Variants in LNPK observed in about 807,000 individuals in gnomAD.
LNPK encodes the protein lunapark, ER junction formation factor, also known as endoplasmic reticulum junction formation protein lunapark.
Under a neutral mutation model 55.2 loss-of-function variants are expected in LNPK, and 29 were observed. That is an observed-to-expected ratio of 0.53 (90% confidence interval 0.39 to 0.72). LNPK has a LOEUF of 0.72. Among genes scored for constraint, LNPK ranks in the 30% least tolerant of loss-of-function variants. The probability of loss-of-function intolerance (pLI) is 0.00; values close to 1 mark genes in which losing one functional copy is unlikely to be tolerated. For missense variants in LNPK, 467 were observed against 494.8 expected (o/e 0.94, Z 0.53); for synonymous variants, 162 against 168.2 (o/e 0.96, Z 0.29).
chr2:175,940,901 T>C (rs1684804574), intron 9 of LNPK: 5 of 442,616 alleles, frequency 1.1e-5, no homozygotes, highest in Admixed American at 7.4e-5. Context: ...TACAACAGTT[T>C]AGACACTGCA....
At chr2:175,993,883 C>T (rs1290358184) in intron 2 of LNPK, among the ~76,000 whole-genome samples, 1 of 152,018 alleles carries the variant, frequency 6.6e-6, no homozygotes, top group Non-Finnish European at 1.5e-5. Context: ...AAAGAATTAA[C>T]ACATTGAAAA....
At chr2:175,978,175 CAAT>C (rs1156594939) in intron 5 of LNPK, among the ~76,000 whole-genome samples, 1 of 151,924 alleles carries the variant, frequency 6.6e-6, no homozygotes, top group African/African-American at 2.4e-5. Flanking sequence ...AAAATAACAA[CAAT>C]AAAAAATACA....
Position 175,927,914 on chromosome 2 carries a change from C to CT in LNPK, c.*2052dup, listed in dbSNP as rs1269824773. 2 of 152,088 alleles carry CT rather than the reference C, an allele frequency of 1.3e-5. No individual in the cohort carries two copies. Among genetic ancestry groups the CT allele is most frequent in the African/African-American group, 4.8e-5 (2 of 41,418 alleles). 9.4% of individuals were successfully genotyped at this position (152,088 alleles called of 1,614,324 possible). The stretch of plus-strand genomic sequence containing the variant: ...ATTTCTTTCAAAGATATTTCTCATA[C>CT]TATCTGTTTGAGTCTATCAAATTTC... On this transcript the variant is annotated 3_prime_UTR_variant, in exon 13 of 13. Transcript: ENST00000272748.
chr2:175,975,213 TAA>T (rs1686855411), intron 5 of LNPK, among the ~76,000 whole-genome samples: 2 of 152,158 alleles, frequency 1.3e-5, no homozygotes, highest in Admixed American at 6.5e-5. Context: ...GGTAAAATAT[TAA>T]AAGTTTTTTC....
intron 8 of LNPK, among the ~76,000 whole-genome samples, chr2:175,950,236 C>T (rs1332292171): frequency 6.6e-6 from 1 of 151,976 alleles, no homozygotes; most frequent in African/African-American, 2.4e-5. Flanking sequence ...CAAACAGACC[C>T]ATCACCAAGT....
rs573852199 is a variant in LNPK, at chr2:175,973,873, T to C, written c.317-3069A>G. On this transcript the variant is annotated intron_variant, in intron 5 of 12. Coordinates refer to ENST00000272748, the MANE Select transcript of LNPK (RefSeq NM_030650.3). ...GCAACTGTTCTTGCTGAAACGTTAC[T>C]AGTCTTAAGTGTATTTTCCCTGAAT... 2.0e-5 allele frequency among the ~76,000 whole-genome samples: 3 copies of C among 152,356 alleles called. No individual in the cohort carries two copies. The East Asian group carries it at 5.8e-4, about 29-fold the overall frequency.
rs1302552669 is a variant in LNPK at position 175,928,710 on chromosome 2, G to A, written c.*1257C>T. 6.6e-6 allele frequency: 1 copy of A among 151,826 alleles called. No homozygotes were observed. Among genetic ancestry groups the A allele is most frequent in the African/African-American group, 2.4e-5 (1 of 41,332 alleles). The allele number at this position is 151,826 out of a possible 1,614,324, so 9.4% of individuals were successfully genotyped here. ...TTCCATTTTTTTTAATATTGGAGAA[G>A]AGAGATAAAAGGAGGCCGTAACAGA... On this transcript the variant is annotated 3_prime_UTR_variant, in exon 13 of 13. Transcript: ENST00000272748.
intron 1 of LNPK, among the ~76,000 whole-genome samples, chr2:175,999,459 C>A (rs1024691874): frequency 1.3e-5 from 2 of 152,232 alleles, no homozygotes; most frequent in Non-Finnish European, 2.9e-5. Flanking sequence ...AACCTGTTTA[C>A]AACAGTGCTT....
chr2:175,941,425 C>T (rs1240299714), intron 9 of LNPK, among the ~76,000 whole-genome samples: 1 of 151,812 alleles, frequency 6.6e-6, no homozygotes, highest in Non-Finnish European at 1.5e-5. Context: ...AAAATATCAA[C>T]AAATCCCAAA....
chr2:175,989,843 T>C (rs1040255954), intron 4 of LNPK, among the ~76,000 whole-genome samples: 1 of 152,160 alleles, frequency 6.6e-6, no homozygotes. Context: ...AGTGAAAATA[T>C]AATAAAATTT....
chr2:175,995,056 G>C (rs1296604033), intron 2 of LNPK, among the ~76,000 whole-genome samples: 1 of 151,660 alleles, frequency 6.6e-6, no homozygotes, highest in Non-Finnish European at 1.5e-5. Context: ...CGAGTAGCTG[G>C]GATTACAGGC....
intron 6 of LNPK, among the ~76,000 whole-genome samples, chr2:175,967,921 C>G (rs1686450934): frequency 6.6e-6 from 1 of 152,068 alleles, no homozygotes; most frequent in Non-Finnish European, 1.5e-5. Context: ...GCTAAAATTG[C>G]CAATTTAAAG....
At chr2:175,992,528 G>A (rs1034933752) in intron 3 of LNPK, 110 bp from the exon 4 acceptor site, 22 of 608,596 alleles carry the variant, frequency 3.6e-5, no homozygotes, top group Non-Finnish European at 4.9e-5. Flanking sequence ...CTTATTTAAA[G>A]TTCAGTAAAG....
At chr2:175,942,168 G>C (rs954251166) in intron 9 of LNPK, among the ~76,000 whole-genome samples, 1 of 152,038 alleles carries the variant, frequency 6.6e-6, no homozygotes, top group African/African-American at 2.4e-5. Context: ...TTATCATGTG[G>C]GTAAATATAT....
At chr2:175,994,746 G>GT (rs1389952231) in intron 2 of LNPK, among the ~76,000 whole-genome samples, 1 of 151,794 alleles carries the variant, frequency 6.6e-6, no homozygotes, top group Non-Finnish European at 1.5e-5. Flanking sequence ...TTTTCGAGCT[G>GT]TAACTTTGAG....
intron 4 of LNPK, among the ~76,000 whole-genome samples, chr2:175,983,909 T>C (rs1455517551): frequency 6.8e-6 from 1 of 147,488 alleles, no homozygotes; most frequent in East Asian, 2.0e-4. Flanking sequence ...CTTGATTAAC[T>C]CAAAATGGAT....
intron 8 of LNPK, among the ~76,000 whole-genome samples, chr2:175,960,627 C>T (rs11883952): frequency 0.025 from 3,774 of 151,944 alleles, 159 homozygotes; most frequent in African/African-American, 0.085. Flanking sequence ...AAAATCGACA[C>T]GCTAACAACA....
chr2:175,932,307 G>A, intron 12 of LNPK: 1 of 377,720 alleles, frequency 2.6e-6, no homozygotes, highest in Non-Finnish European at 5.3e-6. Flanking sequence ...ACAAGGAGGA[G>A]AACTACAATA....
Position 175,925,669 on chromosome 2 carries a change from CTTT to C in LNPK, c.*4295_*4297del. The C allele has an allele frequency of 1.4e-5, 2 of 147,960 alleles. No homozygotes were observed. Among genetic ancestry groups the C allele is most frequent in the Admixed American group, 6.9e-5 (1 of 14,596 alleles). 9.2% of individuals were successfully genotyped at this position (147,960 alleles called of 1,614,324 possible). On this transcript the variant is annotated 3_prime_UTR_variant, in exon 13 of 13. Coordinates refer to ENST00000272748, the MANE Select transcript of LNPK (RefSeq NM_030650.3). ...CGTGGCAGATTCATTTTCTTTCTTT[CTTT>C]TTTTTTTTTGAGATGGAGTTTCACT...
Sources: gnomAD v4.1 joint callset for allele counts (sites outside exome capture counted in the v4.1 genomes callset) on GRCh38, gnomAD v4.1.1 for gene constraint, MANE v1.5 for transcripts, NCBI Gene and HGNC (gene_info 2026-07-23, HGNC 2026-07-21) for gene names.